Variants in ZNF839 observed in about 807,000 individuals in gnomAD.
ZNF839 encodes renal carcinoma antigen NY-REN-50.
In ZNF839, 38 loss-of-function variants were observed where a neutral mutation model predicts 56.4. The ratio of observed to expected loss-of-function variants is 0.67; its 90% CI spans 0.52 to 0.88. ZNF839 has a LOEUF of 0.88. Among genes scored for constraint, ZNF839 ranks in the 40% least tolerant of loss-of-function variants. The pLI is 0.00. For missense variants in ZNF839, 1,091 were observed against 1,177.6 expected, an observed-to-expected ratio of 0.93 and a Z score of 1.08; for synonymous variants, 486 against 493.5, an observed-to-expected ratio of 0.98 and a Z score of 0.20.
chr14:102,340,941 A>C (rs1241948594), intron 7 of ZNF839, among the ~76,000 whole-genome samples: 1 of 151,972 alleles, frequency 6.6e-6, no homozygotes, highest in African/African-American at 2.4e-5. Flanking sequence ...ATGGTGGCGC[A>C]TGCCTGTAAT....
At chr14:102,319,398 C>T (rs1275743304), upstream of ZNF839, 1 of 171,712 alleles carries the variant, frequency 5.8e-6, no homozygotes, top group Non-Finnish European at 1.2e-5. This position sits in a 1 kb window ranked among gnomAD's most constrained non-coding sequence, Gnocchi z 4.5. Flanking sequence ...AGACAGCATC[C>T]TCCGCTGATT....
chr14:102,341,539 T>G lies in ZNF839; in HGVS notation c.2144T>G (p.Leu715Arg), dbSNP rs748619114. Residue 715 changes from leucine to arginine, a missense_variant, in exon 8 of 8, where the codon CTG (leucine) becomes CGG (arginine). Physicochemically the swap from Leu to Arg is moderately radical, Grantham distance 102. Around this residue, in one of 3 missense-constraint regions of ZNF839, gnomAD observed 431 missense variants for 468.0 expected, o/e 0.92. Transcript: ENST00000442396. ...GCTCAGTCAGGAGAGCCTAGGAGGC[T>G]GACCCAGGCACAGGTGGCAGCGTTT... ...VYAQSGEPRRLTQAQVAAFPG... is the reference protein window; with the variant it reads ...VYAQSGEPRRRTQAQVAAFPG... 1.2e-6 allele frequency: 2 copies of G among 1,611,306 alleles called. No individual in the cohort carries two copies. Among genetic ancestry groups the G allele is most frequent in the Admixed American group, 3.4e-5 (2 of 59,690 alleles).
chr14:102,325,956 TTTCTC>T, intron 1 of ZNF839, 24 bp from the exon 2 acceptor site: 1 of 1,600,560 alleles, frequency 6.2e-7, no homozygotes, highest in African/African-American at 1.3e-5. Context: ...CAATGCTTCT[TTTCTC>T]TTTCTTGTCT....
At position 102,328,389 on chromosome 14, in the gene ZNF839, T is replaced by A. The variant is rs1261341774; in HGVS notation, c.1191+1502T>A. 3.0e-3 allele frequency among the ~76,000 whole-genome samples: 206 copies of A among 69,618 alleles called. 5 individuals carry two copies. The highest frequency in any genetic ancestry group is 0.014 in the African/African-American group (184 of 12,706). 45.7% of individuals were successfully genotyped at this position (69,618 alleles called of 152,430 possible). A position where few individuals can be genotyped will look rare whatever the true frequency, so the allele number is the denominator to read the frequency against. On this transcript the variant is annotated intron_variant, in intron 2 of 7. Coordinates refer to ENST00000442396, the MANE Select transcript of ZNF839 (RefSeq NM_018335.6). ...AAAAAAAAAAAAATATATATATATA[T>A]ATATATATATATATATATATATGTA... is the stretch of plus-strand genomic sequence containing the variant.
intron 2 of ZNF839, chr14:102,331,401 A>G: frequency 2.1e-6 from 1 of 474,834 alleles, no homozygotes; most frequent in South Asian, 2.3e-5. Flanking sequence ...GGCGCGCGCC[A>G]CCGCGCCTGG....
chr14:102,319,632 T>C (rs562873301), upstream of ZNF839: 54 of 1,193,768 alleles, frequency 4.5e-5, no homozygotes, highest in South Asian at 1.4e-3. The surrounding 1 kb of genome is among the most constrained non-coding windows in gnomAD (Gnocchi z 4.5). Context: ...CTCCACGACT[T>C]TCCCGGCCAG....
rs375280717 is a variant in ZNF839 at position 102,326,776 on chromosome 14, G to A, written c.1080G>A (p.Thr360=). 6.2e-6 allele frequency: 10 copies of A among 1,612,576 alleles called. No homozygotes were observed. The highest frequency in any genetic ancestry group is 3.3e-5 in the Admixed American group (2 of 59,770). The change falls in exon 2 of 8, where the codon ACG becomes ACA. Residue 360 remains threonine, a synonymous_variant. Transcript: ENST00000442396. The surrounding 1 kb of genome is among the most constrained non-coding windows in gnomAD (Gnocchi z 4.3). ...KASGSTLRGC[T]EERTLSLTSL... ...GTGGAAGCACCCTCCGGGGGTGCACGGAGGAAAGGACGCTCAGCCTGACCT... is the reference window on the plus strand; with the variant it reads ...GTGGAAGCACCCTCCGGGGGTGCACAGAGGAAAGGACGCTCAGCCTGACCT...
chr14:102,326,905 G>C lies in ZNF839; in HGVS notation c.1191+18G>C, dbSNP rs754499741. The stretch of plus-strand genomic sequence containing the variant: ...GCCTGCAGGTAATGTTTCTGTCTGG[G>C]TATGTGTCTTTTTATTTGGCCGTTC... On this transcript the variant is annotated intron_variant, in intron 2 of 7. Coordinates refer to ENST00000442396, the MANE Select transcript of ZNF839 (RefSeq NM_018335.6). The surrounding 1 kb of genome is among the most constrained non-coding windows in gnomAD (Gnocchi z 4.3). 8.3e-6 allele frequency: 13 copies of C among 1,563,566 alleles called. No homozygotes were observed. The highest frequency in any genetic ancestry group is 1.1e-5 in the Non-Finnish European group (13 of 1,155,070).
At chr14:102,328,367 AAAAAAAAAATATATATATAT>A (rs2073539729) in intron 2 of ZNF839, among the ~76,000 whole-genome samples, 5 of 40,636 alleles carry the variant, frequency 1.2e-4, no homozygotes, top group African/African-American at 3.9e-4. Context: ...AAAAAAAAAA[AAAAAAAAAATATATATATAT>A]ATATATATAT....
chr14:102,319,543 A>C (rs2073003631), upstream of ZNF839: 1 of 443,992 alleles, frequency 2.3e-6, no homozygotes. This position sits in a 1 kb window ranked among gnomAD's most constrained non-coding sequence, Gnocchi z 4.5. Context: ...CATCCGTGAC[A>C]GGCAATAAGG....
chr14:102,340,959 A>G (rs1886440690), intron 7 of ZNF839: 1 of 156,464 alleles, frequency 6.4e-6, no homozygotes, highest in Non-Finnish European at 1.4e-5. Context: ...AATCCCAGCT[A>G]TCAGGAGGCT....
intron 5 of ZNF839, chr14:102,336,489 T>G (rs1470468759): frequency 3.6e-6 from 1 of 281,058 alleles, no homozygotes; most frequent in Non-Finnish European, 7.0e-6. Context: ...GAGACAGGGT[T>G]TCACCGTGTT....
At chr14:102,336,297 C>G (rs1255989137) in intron 5 of ZNF839, among the ~76,000 whole-genome samples, 1 of 148,420 alleles carries the variant, frequency 6.7e-6, no homozygotes, top group South Asian at 2.1e-4. Flanking sequence ...ATTTTTTTTT[C>G]TTTTTGTTTT....
rs1886627473 is a variant in ZNF839 at position 102,342,289 on chromosome 14, A to G, written c.*110A>G. The G allele has an allele frequency of 1.5e-6, 2 of 1,330,974 alleles. No individual in the cohort carries two copies. Among genetic ancestry groups the G allele is most frequent in the East Asian group, 4.6e-5 (2 of 43,208 alleles). The allele number at this position is 1,330,974 out of a possible 1,614,324, so 82.4% of individuals were successfully genotyped here. ...GTCTGATTTTATCCAGAGAAGGTCT[A>G]TGGCAAGCAATGTATATTTTTCTAA... On this transcript the variant is annotated 3_prime_UTR_variant, in exon 8 of 8. Transcript: ENST00000442396.
At position 102,341,553 on chromosome 14, in the gene ZNF839, G is replaced by C. The variant is rs567097366; in HGVS notation, c.2158G>C (p.Val720Leu). 26 of 1,612,744 alleles carry C rather than the reference G, an allele frequency of 1.6e-5. No individual in the cohort carries two copies. The highest frequency in any genetic ancestry group is 2.1e-5 in the Non-Finnish European group (25 of 1,179,270). Residue 720 changes from valine to leucine, a missense_variant, in exon 8 of 8, where the codon GTG (valine) becomes CTG (leucine). Coordinates refer to ENST00000442396, the MANE Select transcript of ZNF839 (RefSeq NM_018335.6). ...GCCTAGGAGGCTGACCCAGGCACAG[G>C]TGGCAGCGTTTCCTGGAGAGAATGC... The part of the protein sequence containing the change: ...GEPRRLTQAQ[V>L]AAFPGENALE...
rs1886514390 is a variant in ZNF839 at position 102,341,492 on chromosome 14, TGTCAGTGGGC to T, written c.2098_2107del (p.Val700CysfsTer13). The T allele has an allele frequency of 1.3e-6, 2 of 1,598,064 alleles. No homozygotes were observed. The highest frequency in any genetic ancestry group is 1.7e-6 in the Non-Finnish European group (2 of 1,170,608). On this transcript the variant is annotated frameshift_variant, in exon 8 of 8. Coordinates refer to ENST00000442396, the MANE Select transcript of ZNF839 (RefSeq NM_018335.6). LOFTEE classifies it low-confidence loss of function (END_TRUNC). ...TAGGTGCTGCTCTCTCATCCCGGGA[TGTCAGTGGGC>T]TGCCTGTTTATGCTCAGTCAGGAGA...
chr14:102,326,606 T>A lies in ZNF839; in HGVS notation c.910T>A (p.Ser304Thr). The change falls in exon 2 of 8, where the codon TCG becomes ACG. Residue 304 changes from serine to threonine, a missense_variant. By Grantham distance (58) the Ser-to-Thr change is moderately conservative. Coordinates refer to ENST00000442396, the MANE Select transcript of ZNF839 (RefSeq NM_018335.6). This position sits in a 1 kb window ranked among gnomAD's most constrained non-coding sequence, Gnocchi z 4.3. Reference protein sequence around the residue: ...QRERHALFDLSSCSLRPKSFK... With the variant: ...QRERHALFDLTSCSLRPKSFK... ...GGAGAGGCACGCACTCTTTGACTTA[T>A]CGAGCTGCTCCCTGAGGCCCAAAAG... The A allele has an allele frequency of 1.9e-6, 3 of 1,613,854 alleles. No individual in the cohort carries two copies. The highest frequency in any genetic ancestry group is 4.5e-5 in the East Asian group (2 of 44,876).
At position 102,342,364 on chromosome 14, in the gene ZNF839, C is replaced by A; in HGVS notation, c.*185C>A. 1 of 664,412 alleles carries A rather than the reference C, an allele frequency of 1.5e-6. No homozygotes were observed. Among genetic ancestry groups the A allele is most frequent in the Non-Finnish European group, 2.4e-6 (1 of 420,252 alleles). The allele number at this position is 664,412 out of a possible 1,614,324, so 41.2% of individuals were successfully genotyped here. ...TTTATTTATAAAGAATAATGTCTTTCTGCCCTGCTGTCTACATTTTTCTAT... is the reference window on the plus strand; with the variant it reads ...TTTATTTATAAAGAATAATGTCTTTATGCCCTGCTGTCTACATTTTTCTAT... On this transcript the variant is annotated 3_prime_UTR_variant, in exon 8 of 8. Coordinates refer to ENST00000442396, the MANE Select transcript of ZNF839 (RefSeq NM_018335.6).
At chr14:102,338,697 T>C in intron 5 of ZNF839, 119 bp from the exon 6 acceptor site, 1 of 1,378,290 alleles carries the variant, frequency 7.3e-7, no homozygotes, top group African/African-American at 1.4e-5. Flanking sequence ...CATCTCACAG[T>C]AGGTGAGGAA....
Sources: allele counts gnomAD v4.1 joint callset (sites outside exome capture counted in the v4.1 genomes callset), GRCh38; gene constraint gnomAD v4.1.1; regional missense constraint gnomAD v4.1.1; non-coding constraint Gnocchi (gnomAD v3.1); transcripts MANE v1.5; gene names NCBI Gene and HGNC (gene_info 2026-07-23, HGNC 2026-07-21).